The following PTPN21 variants were observed in gnomAD, a reference collection of about 807,000 sequenced individuals.
The protein encoded by PTPN21 is tyrosine-protein phosphatase non-receptor type 21.
PTPN21 carries 77 observed loss-of-function variants against 131.8 expected under a neutral mutation model. That is an observed-to-expected ratio of 0.58 (90% CI 0.49 to 0.71). The LOEUF (loss-of-function observed/expected upper bound fraction) is 0.71, where lower values mean the gene tolerates loss of function less well. Among genes scored for constraint, PTPN21 ranks in the 30% least tolerant of loss-of-function variants. The pLI, the probability that PTPN21 is intolerant of heterozygous loss-of-function variation, is 0.00. For missense variants in PTPN21, 1,552 were observed against 1,527.1 expected (o/e 1.02, Z -0.27); for synonymous variants, 715 against 621.3 (o/e 1.15, Z -2.24).
intron 7 of PTPN21, 200 bp from the exon 8 acceptor site, chr14:88,501,071 ACT>A (rs539708300): frequency 9.2e-5 from 59 of 644,740 alleles, no homozygotes; most frequent in African/African-American, 9.0e-4. Context: ...CTCCTTAGGA[ACT>A]CTATTTCAAG....
In PTPN21 at chr14:88,472,217, G is replaced by C. The variant is rs750502014; in HGVS notation, c.2871+27C>G. ...TAACTTAACTGAAACTGCATGTGCT[G>C]TTGATTACTTGAGGCGTTCCTCTCA... On this transcript the variant is annotated intron_variant, in intron 15 of 18. Transcript: ENST00000556564. The C allele has an allele frequency of 3.7e-5, 48 of 1,303,286 alleles. No homozygotes were observed. The Admixed American group carries it at 7.8e-4, about 21-fold the overall frequency. 80.7% of individuals were successfully genotyped at this position (1,303,286 alleles called of 1,614,324 possible).
intron 12 of PTPN21, among the ~76,000 whole-genome samples, 181 bp downstream of exon 12, chr14:88,484,892 AAAC>A (rs1384274969): frequency 1.0e-4 from 15 of 149,754 alleles, no homozygotes; most frequent in East Asian, 3.9e-4. Context: ...GTCTCCAAAA[AAAC>A]AAACAAACAA....
intron 3 of PTPN21, among the ~76,000 whole-genome samples, chr14:88,508,897 G>A (rs1376223302): frequency 1.3e-5 from 2 of 152,178 alleles, no homozygotes; most frequent in East Asian, 3.9e-4. Flanking sequence ...TCAATATATA[G>A]GGCATCAGTT....
chr14:88,529,409 G>A (rs2078523314), intron 2 of PTPN21, among the ~76,000 whole-genome samples: 1 of 151,982 alleles, frequency 6.6e-6, no homozygotes, highest in Non-Finnish European at 1.5e-5. Flanking sequence ...TGTTCATCAG[G>A]GATACTGGTC....
chr14:88,545,995 TAAAAAA>T (rs991650692), intron 2 of PTPN21, among the ~76,000 whole-genome samples: 1 of 77,862 alleles, frequency 1.3e-5, no homozygotes. Flanking sequence ...CTGTCTCAAA[TAAAAAA>T]AAAAAAAAAA....
chr14:88,491,042 G>T (rs890400449), intron 10 of PTPN21, among the ~76,000 whole-genome samples: 3 of 152,114 alleles, frequency 2.0e-5, no homozygotes, highest in Non-Finnish European at 4.4e-5. Context: ...GATCTAACAG[G>T]TTGACATTAT....
Position 88,479,454 on chromosome 14 carries a change from C to A in PTPN21, c.1977G>T (p.Ala659=). 6.2e-7 allele frequency: 1 copy of A among 1,602,424 alleles called. No homozygotes were observed. The highest frequency in any genetic ancestry group is 8.5e-7 in the Non-Finnish European group (1 of 1,178,730). The change falls in exon 13 of 19, where the codon GCG becomes GCT. Residue 659 remains alanine (A), a synonymous_variant. Coordinates refer to ENST00000556564, the MANE Select transcript of PTPN21 (RefSeq NM_007039.4). ...GLRLKERTLS[A]SAAEVAPRAV... Reference sequence around the variant, plus strand: ...CTCGCGGCGCCACCTCTGCCGCCGACGCGGATAGGGTGCGCTCCTTGAGCC... The same window carrying A: ...CTCGCGGCGCCACCTCTGCCGCCGAAGCGGATAGGGTGCGCTCCTTGAGCC...
In PTPN21 at chr14:88,480,040, T is replaced by A. The variant is rs2077625320; in HGVS notation, c.1391A>T (p.His464Leu). 1 of 1,613,878 alleles carries A rather than the reference T, an allele frequency of 6.2e-7. No individual in the cohort carries two copies. The change falls in exon 13 of 19, where the codon CAT (histidine) becomes CTT (leucine). Residue 464 changes from histidine (H) to leucine (L), a missense_variant. Around this residue, in one of 4 missense-constraint regions of PTPN21, gnomAD observed 1,016 missense variants for 883.5 expected, o/e 1.15. Coordinates refer to ENST00000556564, the MANE Select transcript of PTPN21 (RefSeq NM_007039.4). ...CAGCGAGTGGCTCTGCCGTTCCGCA[T>A]GCACCAGGCCCCTGTTGAGCTGCTT... is the stretch of plus-strand genomic sequence containing the variant. The part of the protein sequence containing the change: ...VMKQLNRGLV[H>L]AERQSHSLRN...
At chr14:88,553,162 T>C (rs61984683) in intron 1 of PTPN21, among the ~76,000 whole-genome samples, 34,791 of 152,114 alleles carry the variant, frequency 0.23, 4,178 homozygotes, top group East Asian at 0.32. Context: ...AACTTTCAAT[T>C]GTCCCTCAGA....
chr14:88,508,150 GTT>G (rs34305703), intron 3 of PTPN21, 130 bp from the exon 4 acceptor site: 129,916 of 395,860 alleles, frequency 0.33, 15,069 homozygotes, highest in South Asian at 0.36. Flanking sequence ...GGTTGTGTGT[GTT>G]TTTTTTTTTT....
chr14:88,469,888 C>G lies in PTPN21; in HGVS notation c.3000+34G>C. 3.1e-6 allele frequency: 5 copies of G among 1,612,978 alleles called. No homozygotes were observed. The highest frequency in any genetic ancestry group is 4.2e-6 in the Non-Finnish European group (5 of 1,179,206). On this transcript the variant is annotated intron_variant, in intron 16 of 18. Transcript: ENST00000556564. The surrounding 1 kb of genome is among the most constrained non-coding windows in gnomAD (Gnocchi z 4.3). ...ATTAACATTAACTGTTCTTCAGAGGCTGAGAAAATCACTTAAGAGAAATAA... is the reference window on the plus strand; with the variant it reads ...ATTAACATTAACTGTTCTTCAGAGGGTGAGAAAATCACTTAAGAGAAATAA...
chr14:88,499,568 A>G (rs73316002), intron 8 of PTPN21, among the ~76,000 whole-genome samples: 1,523 of 152,260 alleles, frequency 0.01, 12 homozygotes, highest in African/African-American at 0.035. Flanking sequence ...ACAAATCACA[A>G]CTTTTCTAAG....
chr14:88,487,827 G>A lies in PTPN21; in HGVS notation c.933-1985C>T, dbSNP rs138809399. 4.0e-3 allele frequency among the ~76,000 whole-genome samples: 614 copies of A among 152,002 alleles called. 4 individuals carry two copies. The highest frequency in any genetic ancestry group is 4.0e-3 in the Non-Finnish European group (270 of 67,958). On this transcript the variant is annotated intron_variant, in intron 10 of 18. Transcript: ENST00000556564. ...ATTAGTGCCCACAAATTAGCCAGGC[G>A]CGGTGGCAGGCGCCTGTAATCCCAG...
intron 2 of PTPN21, among the ~76,000 whole-genome samples, chr14:88,546,910 A>C (rs974605888): frequency 1.2e-4 from 19 of 152,340 alleles, no homozygotes; most frequent in African/African-American, 4.6e-4. Context: ...TTTCAAAGAA[A>C]AAGTTTGCTA....
chr14:88,521,812 A>G (rs2078398556), intron 2 of PTPN21, among the ~76,000 whole-genome samples: 1 of 152,212 alleles, frequency 6.6e-6, no homozygotes, highest in Non-Finnish European at 1.5e-5. Flanking sequence ...TGTTCCAAAT[A>G]CAAAAACAGA....
chr14:88,528,970 C>T (rs776381037), intron 2 of PTPN21, among the ~76,000 whole-genome samples: 3 of 152,264 alleles, frequency 2.0e-5, no homozygotes, highest in South Asian at 4.1e-4. Flanking sequence ...GATGCCCTTT[C>T]TTTCTCTTGT....
chr14:88,487,164 T>TC (rs985670638), intron 10 of PTPN21, among the ~76,000 whole-genome samples: 12 of 151,744 alleles, frequency 7.9e-5, no homozygotes, highest in African/African-American at 2.9e-4. Flanking sequence ...GGCAAGATTT[T>TC]TTTTTCTTCT....
At chr14:88,532,484 T>A (rs2078568519) in intron 2 of PTPN21, among the ~76,000 whole-genome samples, 1 of 152,170 alleles carries the variant, frequency 6.6e-6, no homozygotes, top group South Asian at 2.1e-4. Context: ...ACTGGCAACC[T>A]CACGTGAACA....
chr14:88,551,239 T>C (rs1466921137), intron 1 of PTPN21: 2 of 152,398 alleles, frequency 1.3e-5, no homozygotes, highest in South Asian at 2.1e-4. Context: ...CATTTACCAC[T>C]AGAAGAGTGG....
Sources: allele counts gnomAD v4.1 joint callset (sites outside exome capture counted in the v4.1 genomes callset), GRCh38; gene constraint gnomAD v4.1.1; regional missense constraint gnomAD v4.1.1; non-coding constraint Gnocchi (gnomAD v3.1); transcripts MANE v1.5; gene names NCBI Gene and HGNC (gene_info 2026-07-23, HGNC 2026-07-21).